The following ZNF350 variants were observed in gnomAD, a reference collection of about 807,000 sequenced individuals.
The protein encoded by ZNF350 is zinc finger protein 350.
ZNF350 carries 5 observed loss-of-function variants against 13.1 expected under a neutral mutation model. The ratio of observed to expected loss-of-function variants is 0.38; its 90% CI spans 0.20 to 0.80. The LOEUF is 0.80. ZNF350 is among the 30% of genes least tolerant of loss of function. The pLI, the probability that ZNF350 is intolerant of heterozygous loss-of-function variation, is 0.43. For missense variants in ZNF350, 534 were observed against 644.2 expected, an observed-to-expected ratio of 0.83 and a Z score of 1.85; for synonymous variants, 199 against 224.2, an observed-to-expected ratio of 0.89 and a Z score of 1.00.
At chr19:51,977,999 T>G (rs772466328) in intron 1 of ZNF350, among the ~76,000 whole-genome samples, 1 of 152,160 alleles carries the variant, frequency 6.6e-6, no homozygotes, top group African/African-American at 2.4e-5. Flanking sequence ...AGAAAGGATA[T>G]TACAATGCAG....
In ZNF350 at chr19:51,965,830, C is replaced by G. The variant is rs1207945631; in HGVS notation, c.623G>C (p.Cys208Ser). 73 of 1,614,044 alleles carry G rather than the reference C, an allele frequency of 4.5e-5. No individual in the cohort carries two copies. The highest frequency in any genetic ancestry group is 5.9e-5 in the Non-Finnish European group (70 of 1,180,054). ...KTRKLEKHHVCSECGKAFIKK... is the reference protein window; with the variant it reads ...KTRKLEKHHVSSECGKAFIKK... ...GATGAAGGCTTTCCCACATTCACTG[C>G]ACACATGATGCTTCTCTAATTTTCG... Residue 208 changes from cysteine (C) to serine (S), a missense_variant, in exon 5 of 5, where the codon TGC (cysteine) becomes TCC (serine). Transcript: ENST00000243644.
intron 1 of ZNF350, among the ~76,000 whole-genome samples, chr19:51,984,808 A>C (rs2086130537): frequency 6.6e-6 from 1 of 152,178 alleles, no homozygotes; most frequent in Admixed American, 6.6e-5. Context: ...GCAAGCCCTA[A>C]AATATTTACT....
Position 51,964,961 on chromosome 19 carries a change from C to A in ZNF350, c.1492G>T (p.Gly498Ter), listed in dbSNP as rs1395322340. 2.5e-6 allele frequency: 4 copies of A among 1,614,178 alleles called. No homozygotes were observed. The East Asian group carries it at 8.9e-5, about 36-fold the overall frequency. ...GQPVVRCAAS[G>*]DNRGFAQDRN... ...TCCTGTGCAAATCCTCTGTTATCTC[C>A]TGAGGCTGCACATCTGACCACTGGC... Residue 498 changes from glycine (G) to a stop codon, truncating the protein, a stop_gained, in exon 5 of 5, where the codon GGA (glycine) becomes TGA (stop). Transcript: ENST00000243644. LOFTEE classifies it low-confidence loss of function (END_TRUNC).
chr19:51,979,318 T>A (rs1343654261), intron 1 of ZNF350, among the ~76,000 whole-genome samples: 1 of 151,846 alleles, frequency 6.6e-6, no homozygotes, highest in African/African-American at 2.4e-5. Flanking sequence ...ATGTTCCCAA[T>A]CCCCCAGCAG....
Position 51,968,672 on chromosome 19 carries a change from C to G in ZNF350, c.144G>C (p.Gly48=). The G allele has an allele frequency of 6.2e-7, 1 of 1,613,990 alleles. No homozygotes were observed. The highest frequency in any genetic ancestry group is 2.2e-5 in the East Asian group (1 of 44,874). The part of the protein sequence containing the change: ...LENYSNLVAV[G]YQASKPDALF... ...GTGCATCCGGTTTGCTGGCTTGATA[C>G]CCTGTTCATGGAAAATGATAGAGGA... is the stretch of plus-strand genomic sequence containing the variant. The change falls in exon 4 of 5, where the codon GGG becomes GGC. Residue 48 remains glycine, a splice_region_variant and synonymous_variant. Coordinates refer to ENST00000243644, the MANE Select transcript of ZNF350 (RefSeq NM_021632.4).
intron 4 of ZNF350, 78 bp from the exon 5 acceptor site, chr19:51,966,292 T>G (rs879112265): frequency 5.6e-6 from 8 of 1,424,120 alleles, no homozygotes; most frequent in East Asian, 2.4e-5. Context: ...TTTTTTTTGT[T>G]TTTTTTTTTA....
chr19:51,976,617 T>C lies in ZNF350; in HGVS notation c.-171-2086A>G, dbSNP rs551727939. ...TACTGGGAGCAGTGCTTTAAAGAAGTACTGGGAAGTTTTCTGACTCAGGGT... is the reference window on the plus strand; with the variant it reads ...TACTGGGAGCAGTGCTTTAAAGAAGCACTGGGAAGTTTTCTGACTCAGGGT... On this transcript the variant is annotated intron_variant, in intron 1 of 4. Transcript: ENST00000243644. The surrounding 1 kb of genome is among the most constrained non-coding windows in gnomAD (Gnocchi z 4.5). The C allele has an allele frequency of 1.3e-5, 2 of 152,328 alleles. No individual in the cohort carries two copies. The highest frequency in any genetic ancestry group is 3.9e-4 in the East Asian group (2 of 5,172). 9.4% of individuals were successfully genotyped at this position (152,328 alleles called of 1,614,324 possible).
chr19:51,966,271 TG>T, intron 4 of ZNF350, 57 bp from the exon 5 acceptor site: 3 of 1,490,768 alleles, frequency 2.0e-6, no homozygotes, highest in Middle Eastern at 1.8e-4. Context: ...AAGTTTGTTG[TG>T]GTTTTTTTGT....
intron 2 of ZNF350, 164 bp downstream of exon 2, chr19:51,974,182 C>G: frequency 1.6e-6 from 1 of 642,346 alleles, no homozygotes. Flanking sequence ...TATTCCTTAT[C>G]CTACTATTTT....
Position 51,965,379 on chromosome 19 carries a change from T to C in ZNF350, c.1074A>G (p.Lys358=). 1 of 1,614,086 alleles carries C rather than the reference T, an allele frequency of 6.2e-7. No homozygotes were observed. Among genetic ancestry groups the C allele is most frequent in the East Asian group, 2.2e-5 (1 of 44,866 alleles). The change falls in exon 5 of 5, where the codon AAA becomes AAG. Residue 358 remains lysine (K), a synonymous_variant. Transcript: ENST00000243644. Reference sequence around the variant, plus strand: ...TTCTTTGATGTTTAATGAGACCTGATTTCTGAGAACAGGATTTTCCACATT... The same window carrying C: ...TTCTTTGATGTTTAATGAGACCTGACTTCTGAGAACAGGATTTTCCACATT... The part of the protein sequence containing the change: ...CSECGKSCSQ[K]SGLIKHQRIH...
intron 2 of ZNF350, among the ~76,000 whole-genome samples, chr19:51,971,572 TC>T (rs1203429155): frequency 6.6e-6 from 1 of 152,122 alleles, no homozygotes; most frequent in Non-Finnish European, 1.5e-5. Context: ...AGGCAATCAC[TC>T]CCTGGTGCTG....
chr19:51,965,540 G>T lies in ZNF350; in HGVS notation c.913C>A (p.Leu305Ile). 1 of 1,614,192 alleles carries T rather than the reference G, an allele frequency of 6.2e-7. No individual in the cohort carries two copies. Among genetic ancestry groups the T allele is most frequent in the South Asian group, 1.1e-5 (1 of 91,084 alleles). Residue 305 changes from leucine (L) to isoleucine (I), a missense_variant, in exon 5 of 5, where the codon CTC becomes ATC. By Grantham distance (5) the Leu-to-Ile change is conservative. Coordinates refer to ENST00000243644, the MANE Select transcript of ZNF350 (RefSeq NM_021632.4). ...CGKGFIQKGN[L>I]IVHQRIHTGE... ...GTATGAATTCGCTGGTGTACAATGA[G>T]ATTTCCTTTCTGGATGAAGCCTTTT...
At position 51,974,404 on chromosome 19, in the gene ZNF350, TC is replaced by T; in HGVS notation, c.-45del. On this transcript the variant is annotated 5_prime_UTR_variant, in exon 2 of 5. Coordinates refer to ENST00000243644, the MANE Select transcript of ZNF350 (RefSeq NM_021632.4). The stretch of plus-strand genomic sequence containing the variant: ...GACAGCATTCAACTGGGATGGTCTG[TC>T]TTTGTATCTTCTGGCCTTCTCTTCA... 1.2e-6 allele frequency: 2 copies of T among 1,611,308 alleles called. No individual in the cohort carries two copies. Among genetic ancestry groups the T allele is most frequent in the African/African-American group, 2.7e-5 (2 of 74,916 alleles).
At chr19:51,975,868 C>T (rs1185801546) in intron 1 of ZNF350, among the ~76,000 whole-genome samples, 1 of 152,236 alleles carries the variant, frequency 6.6e-6, no homozygotes, top group African/African-American at 2.4e-5. Context: ...AGTTTACAGG[C>T]ACCTGCTGCA....
At chr19:51,983,735 C>A (rs2086108880) in intron 1 of ZNF350, among the ~76,000 whole-genome samples, 1 of 152,136 alleles carries the variant, frequency 6.6e-6, no homozygotes, top group South Asian at 2.1e-4. Context: ...CCTGCCACAC[C>A]CCCCTCACCA....
chr19:51,981,844 A>T (rs2086053800), intron 1 of ZNF350: 1 of 152,202 alleles, frequency 6.6e-6, no homozygotes, highest in Admixed American at 6.5e-5. Flanking sequence ...AACAAGAAAT[A>T]GAAAATTCAG....
chr19:51,965,978 C>T lies in ZNF350; in HGVS notation c.475G>A (p.Gly159Arg), dbSNP rs1258452155. 1 of 1,614,078 alleles carries T rather than the reference C, an allele frequency of 6.2e-7. No homozygotes were observed. The highest frequency in any genetic ancestry group is 8.5e-7 in the Non-Finnish European group (1 of 1,180,028). The change falls in exon 5 of 5, where the codon GGA (glycine) becomes AGA (arginine). Residue 159 changes from glycine (G) to arginine (R), a missense_variant. By Grantham distance (125) the Gly-to-Arg change is moderately radical (BLOSUM62 -2). Coordinates refer to ENST00000243644, the MANE Select transcript of ZNF350 (RefSeq NM_021632.4). Reference protein sequence around the residue: ...YEIKNSVEFTGNGDSFLHANH... With the variant: ...YEIKNSVEFTRNGDSFLHANH... Reference sequence around the variant, plus strand: ...GCATGAAGAAAGGAGTCCCCATTTCCAGTAAACTCAACAGAGTTCTTTATT... The same window carrying T: ...GCATGAAGAAAGGAGTCCCCATTTCTAGTAAACTCAACAGAGTTCTTTATT...
chr19:51,983,254 G>A (rs1008745521), intron 1 of ZNF350, among the ~76,000 whole-genome samples: 4 of 152,174 alleles, frequency 2.6e-5, no homozygotes, highest in Admixed American at 6.5e-5. Context: ...CACTGCGGAA[G>A]GCCGCAGGGA....
At chr19:51,969,905 T>C (rs1319638026) in intron 2 of ZNF350, among the ~76,000 whole-genome samples, 1 of 152,174 alleles carries the variant, frequency 6.6e-6, no homozygotes, top group Non-Finnish European at 1.5e-5. Flanking sequence ...ACATTTCTGT[T>C]TTTTTGAAAT....
Sources: allele counts gnomAD v4.1 joint callset (sites outside exome capture counted in the v4.1 genomes callset), GRCh38; gene constraint gnomAD v4.1.1; non-coding constraint Gnocchi (gnomAD v3.1); transcripts MANE v1.5; gene names NCBI Gene and HGNC (gene_info 2026-07-23, HGNC 2026-07-21).